Variants in SMYD3 observed in about 807,000 individuals in gnomAD.
The protein encoded by SMYD3 is SET and MYND domain containing 3.
In SMYD3, 36 loss-of-function variants were observed where a neutral mutation model predicts 57.7. The ratio of observed to expected loss-of-function variants is 0.62; its 90% CI spans 0.48 to 0.82. SMYD3 has a LOEUF of 0.82. Ranked by LOEUF, SMYD3 falls within the 40% of genes least tolerant of loss-of-function variation. SMYD3 has a pLI of 0.00. For missense variants in SMYD3, 515 were observed against 538.8 expected (o/e 0.96, Z 0.44); for synonymous variants, 211 against 195.0 (o/e 1.08, Z -0.68).
At chr1:246,127,920 A>T (rs1451095867) in intron 5 of SMYD3, among the ~76,000 whole-genome samples, 1 of 151,936 alleles carries the variant, frequency 6.6e-6, no homozygotes, top group Non-Finnish European at 1.5e-5. Context: ...AGAAAAGAAA[A>T]GAAAAATACG....
chr1:246,254,019 T>C (rs1009058415), intron 5 of SMYD3, among the ~76,000 whole-genome samples: 3 of 152,132 alleles, frequency 2.0e-5, no homozygotes, highest in Non-Finnish European at 4.4e-5. Context: ...AATCTGTTGT[T>C]TTTTACTTCT....
chr1:245,982,536 A>G (rs758456157), intron 5 of SMYD3, among the ~76,000 whole-genome samples: 6 of 152,250 alleles, frequency 3.9e-5, no homozygotes, highest in Non-Finnish European at 7.3e-5. Flanking sequence ...GTAAAGGCTC[A>G]CTTATAGGCT....
At chr1:245,770,581 A>T (rs1003468873) in intron 10 of SMYD3, among the ~76,000 whole-genome samples, 1 of 152,158 alleles carries the variant, frequency 6.6e-6, no homozygotes, top group African/African-American at 2.4e-5. Context: ...ACTTATCTCA[A>T]ATTTTCTGTA....
chr1:246,301,611 A>T (rs1148713), intron 5 of SMYD3, among the ~76,000 whole-genome samples: 22 of 152,290 alleles, frequency 1.4e-4, no homozygotes, highest in African/African-American at 5.3e-4. Flanking sequence ...TAAGAAATAT[A>T]ATGTTACGTG....
chr1:246,299,109 T>G (rs2064847895), intron 5 of SMYD3, among the ~76,000 whole-genome samples: 1 of 152,100 alleles, frequency 6.6e-6, no homozygotes, highest in Non-Finnish European at 1.5e-5. Context: ...ATTTATCCTA[T>G]GTAAAAACCA....
intron 1 of SMYD3, among the ~76,000 whole-genome samples, chr1:246,505,309 G>C (rs2068519665): frequency 6.6e-6 from 1 of 152,074 alleles, no homozygotes; most frequent in Non-Finnish European, 1.5e-5. Context: ...CGCTAGGGGT[G>C]CAGGCAGTGA....
intron 10 of SMYD3, among the ~76,000 whole-genome samples, chr1:245,838,551 GT>G (rs530918523): frequency 3.6e-4 from 55 of 152,304 alleles, no homozygotes; most frequent in Non-Finnish European, 6.2e-4. Flanking sequence ...CTAGATACAT[GT>G]AGGTCTAGGT....
At chr1:246,034,238 C>A (rs1483840939) in intron 5 of SMYD3, among the ~76,000 whole-genome samples, 1 of 152,180 alleles carries the variant, frequency 6.6e-6, no homozygotes, top group Non-Finnish European at 1.5e-5. Flanking sequence ...AACATACACA[C>A]TTTTTGGAAC....
rs948862283 is a variant in SMYD3 at position 245,836,078 on chromosome 1, C to T, written c.1076+22418G>A. Among the ~76,000 whole-genome samples the T allele has an allele frequency of 4.6e-5, 7 of 152,210 alleles. No homozygotes were observed. The South Asian group carries it at 1.5e-3, about 32-fold the overall frequency. ...AAACATTAGCCACCCATCTGACCCT[C>T]ATAGACGTCTCCAAGATCGAAAAAT... On this transcript the variant is annotated intron_variant, in intron 10 of 11. Coordinates refer to ENST00000490107, the MANE Select transcript of SMYD3 (RefSeq NM_001167740.2).
intron 10 of SMYD3, among the ~76,000 whole-genome samples, chr1:245,841,197 T>C (rs1371185575): frequency 6.6e-6 from 1 of 152,228 alleles, no homozygotes; most frequent in Non-Finnish European, 1.5e-5. Context: ...TTTACCAACT[T>C]TTTTAAAATA....
chr1:246,427,527 A>T (rs150561703), intron 1 of SMYD3, among the ~76,000 whole-genome samples: 4,333 of 146,686 alleles, frequency 0.03, 126 homozygotes, highest in Non-Finnish European at 0.044. Context: ...CTCAAAAAAA[A>T]AAAAAATAAA....
At chr1:245,837,069 C>A (rs564498777) in intron 10 of SMYD3, among the ~76,000 whole-genome samples, 1 of 151,988 alleles carries the variant, frequency 6.6e-6, no homozygotes, top group African/African-American at 2.4e-5. Flanking sequence ...AGTAGTTGGG[C>A]GCAGTGGCAG....
At chr1:245,866,720 A>T (rs1042765636) in intron 8 of SMYD3, among the ~76,000 whole-genome samples, 2 of 152,196 alleles carry the variant, frequency 1.3e-5, no homozygotes, top group African/African-American at 4.8e-5. Context: ...CAACAGAGCG[A>T]GACTCTGCCT....
At chr1:246,391,985 C>T (rs2066580289) in intron 1 of SMYD3, among the ~76,000 whole-genome samples, 1 of 152,190 alleles carries the variant, frequency 6.6e-6, no homozygotes, top group South Asian at 2.1e-4. Flanking sequence ...CCCACTCATC[C>T]CTCCAGTTTC....
At chr1:245,785,632 A>C (rs2047004180) in intron 10 of SMYD3, among the ~76,000 whole-genome samples, 1 of 149,316 alleles carries the variant, frequency 6.7e-6, no homozygotes. Flanking sequence ...TCTCCCCCAG[A>C]GAGAGAGCGA....
intron 5 of SMYD3, among the ~76,000 whole-genome samples, chr1:246,054,665 G>C (rs2060117879): frequency 6.6e-6 from 1 of 152,062 alleles, no homozygotes; most frequent in Non-Finnish European, 1.5e-5. Flanking sequence ...TAAAATGCAA[G>C]TTGATGTACA....
At chr1:246,219,349 G>A (rs1270497028) in intron 5 of SMYD3, among the ~76,000 whole-genome samples, 1 of 152,072 alleles carries the variant, frequency 6.6e-6, no homozygotes, top group Non-Finnish European at 1.5e-5. Flanking sequence ...ACTTCAGAGG[G>A]ACAGCCTGAC....
intron 5 of SMYD3, among the ~76,000 whole-genome samples, chr1:246,219,047 T>G (rs992802595): frequency 2.0e-5 from 3 of 152,088 alleles, no homozygotes; most frequent in Admixed American, 6.5e-5. Flanking sequence ...TGGGCTTAAT[T>G]TAACTAAAAC....
chr1:245,921,208 C>A (rs923587874), intron 7 of SMYD3, among the ~76,000 whole-genome samples: 5 of 152,058 alleles, frequency 3.3e-5, no homozygotes, highest in African/African-American at 1.2e-4. Flanking sequence ...CAGAGAAATG[C>A]AAATCAAAAC....
Sources: allele counts gnomAD v4.1 joint callset (sites outside exome capture counted in the v4.1 genomes callset), GRCh38; gene constraint gnomAD v4.1.1; transcripts MANE v1.5; gene names NCBI Gene and HGNC (gene_info 2026-07-23, HGNC 2026-07-21).